Variants in UCHL1 observed in about 807,000 individuals in gnomAD.
UCHL1 encodes ubiquitin carboxyl-terminal hydrolase isozyme L1.
UCHL1 carries 5 observed loss-of-function variants against 33.3 expected under a neutral mutation model. That is an observed-to-expected ratio of 0.15 (90% CI 0.08 to 0.32). The LOEUF (loss-of-function observed/expected upper bound fraction) is 0.32, where lower values mean the gene tolerates loss of function less well. UCHL1 is among the 10% of genes least tolerant of loss of function. UCHL1 has a pLI of 1.00. For missense variants in UCHL1, 236 were observed against 280.0 expected (o/e 0.84, Z 1.12); for synonymous variants, 132 against 108.8 (o/e 1.21, Z -1.33).
At chr4:41,260,916 G>A (rs1334503732) in intron 4 of UCHL1, 119 bp downstream of exon 4, 6 of 1,415,414 alleles carry the variant, frequency 4.2e-6, no homozygotes, top group Non-Finnish European at 6.0e-6. Flanking sequence ...TGTAATGATG[G>A]TGTCAGACAC....
chr4:41,262,833 T>C (rs182029460), intron 6 of UCHL1, among the ~76,000 whole-genome samples: 49 of 152,256 alleles, frequency 3.2e-4, no homozygotes, highest in African/African-American at 5.8e-4. Flanking sequence ...CTTGAACTCT[T>C]GTGAGCTCAA....
chr4:41,257,587 C>T, intron 2 of UCHL1, 22 bp from the exon 3 acceptor site: 3 of 1,498,520 alleles, frequency 2.0e-6, no homozygotes, highest in South Asian at 1.3e-5. Flanking sequence ...GTGCGCCTGG[C>T]CGCCTTGTCT....
chr4:41,263,559 T>G (rs924509607), intron 7 of UCHL1, among the ~76,000 whole-genome samples: 3 of 152,212 alleles, frequency 2.0e-5, no homozygotes, highest in Non-Finnish European at 4.4e-5. Flanking sequence ...ACCTTACTTG[T>G]CTAAAAAGAA....
intron 3 of UCHL1, 120 bp from the exon 4 acceptor site, chr4:41,260,527 A>C: frequency 7.9e-7 from 1 of 1,264,356 alleles, no homozygotes. Context: ...CAACATCTAG[A>C]ACCAGGGGTT....
intron 4 of UCHL1, 54 bp from the exon 5 acceptor site, chr4:41,261,661 A>T: frequency 6.4e-7 from 1 of 1,573,148 alleles, no homozygotes; most frequent in South Asian, 1.1e-5. Context: ...AACAATAAAT[A>T]TGTACCCACT....
At position 41,257,389 on chromosome 4, in the gene UCHL1, G is replaced by T. The variant is rs1241107870; in HGVS notation, c.46-220G>T. On this transcript the variant is annotated intron_variant, in intron 2 of 8. Coordinates refer to ENST00000284440, the MANE Select transcript of UCHL1 (RefSeq NM_004181.5). ...AGCTCCCGAGGGCGTGGCGCGGGCA[G>T]CACAGACTCGGCTGCACGGGCTTCG... is the stretch of plus-strand genomic sequence containing the variant. 6 of 878,014 alleles carry T rather than the reference G, an allele frequency of 6.8e-6. No individual in the cohort carries two copies. The Admixed American group carries it at 1.4e-4, about 20-fold the overall frequency. The allele number at this position is 878,014 out of a possible 1,614,324, so 54.4% of individuals were successfully genotyped here.
At chr4:41,267,773 A>ACCATTTGGTGGAAGTGATAAGTCAAAT (rs1781177503) in intron 8 of UCHL1, among the ~76,000 whole-genome samples, 2 of 152,092 alleles carry the variant, frequency 1.3e-5, no homozygotes, top group South Asian at 4.2e-4. Flanking sequence ...GAAGCACAAA[A>ACCATTTGGTGGAAGTGATAAGTCAAAT]CCATTTGGTG....
At chr4:41,260,831 C>T in intron 4 of UCHL1, 34 bp downstream of exon 4, 2 of 1,614,016 alleles carry the variant, frequency 1.2e-6, no homozygotes, top group Non-Finnish European at 1.7e-6. Context: ...CCATCCTAAG[C>T]TTGAACTTGA....
intron 7 of UCHL1, 54 bp from the exon 8 acceptor site, chr4:41,264,040 AGGTAAGCAC>A (rs1463156332): frequency 1.2e-6 from 2 of 1,604,874 alleles, no homozygotes; most frequent in Non-Finnish European, 1.7e-6. Context: ...CATCTAGGCT[AGGTAAGCAC>A]GGTAGCCAGA....
Position 41,257,131 on chromosome 4 carries a change from G to A in UCHL1, c.45+5G>A, listed in dbSNP as rs1198286670. ...GCCTTTCAGATGCTGAACAAAGTGA[G>A]TGGCGTCTCGCGCCGTCTCTGGCCC... On this transcript the variant is annotated splice_donor_5th_base_variant and intron_variant, in intron 2 of 8. Transcript: ENST00000284440. 1 of 1,612,676 alleles carries A rather than the reference G, an allele frequency of 6.2e-7. No individual in the cohort carries two copies. Among genetic ancestry groups the A allele is most frequent in the African/African-American group, 1.3e-5 (1 of 74,910 alleles).
At chr4:41,265,281 C>T (rs1303055684) in intron 8 of UCHL1, among the ~76,000 whole-genome samples, 1 of 152,204 alleles carries the variant, frequency 6.6e-6, no homozygotes, top group Non-Finnish European at 1.5e-5. Context: ...AACTGTGATT[C>T]AAACCTAGAT....
At chr4:41,262,456 C>A (rs745377401) in intron 6 of UCHL1, among the ~76,000 whole-genome samples, 1 of 152,118 alleles carries the variant, frequency 6.6e-6, no homozygotes, top group Non-Finnish European at 1.5e-5. Flanking sequence ...ACAAATGAGT[C>A]TTATAGAGTG....
intron 6 of UCHL1, 88 bp downstream of exon 6, chr4:41,262,011 A>G: frequency 1.3e-6 from 2 of 1,550,964 alleles, no homozygotes; most frequent in South Asian, 1.2e-5. Flanking sequence ...ACTGGAACAC[A>G]GCAAATGTTA....
chr4:41,257,055 A>G (rs1561079048), intron 1 of UCHL1, 46 bp downstream of exon 1: 27 of 1,614,084 alleles, frequency 1.7e-5, no homozygotes, highest in Non-Finnish European at 2.2e-5. Context: ...AGGCCGAGGG[A>G]GGGGGAGCCG....
intron 2 of UCHL1, 53 bp downstream of exon 2, chr4:41,257,179 G>T: frequency 1.9e-6 from 3 of 1,610,808 alleles, no homozygotes; most frequent in Non-Finnish European, 2.5e-6. Flanking sequence ...GCGCCGAGGC[G>T]GGGGCGCCCA....
chr4:41,263,352 T>G, intron 7 of UCHL1, 61 bp downstream of exon 7: 1 of 1,464,156 alleles, frequency 6.8e-7, no homozygotes, highest in Non-Finnish European at 9.6e-7. Flanking sequence ...AGACTGAATT[T>G]CTCTTGATAT....
intron 7 of UCHL1, among the ~76,000 whole-genome samples, chr4:41,263,892 G>A (rs1295018203): frequency 6.6e-6 from 1 of 152,224 alleles, no homozygotes; most frequent in Non-Finnish European, 1.5e-5. Flanking sequence ...TTGAGCTTGT[G>A]CGATCTTGTC....
In UCHL1 at chr4:41,257,643, G is replaced by T; in HGVS notation, c.80G>T (p.Arg27Leu). The T allele has an allele frequency of 6.4e-7, 1 of 1,563,132 alleles. No individual in the cohort carries two copies. Residue 27 changes from arginine (R) to leucine (L), a missense_variant, in exon 3 of 9, where the codon CGC (arginine) becomes CTC (leucine). Transcript: ENST00000284440. The part of the protein sequence containing the change: ...LSRLGVAGQW[R>L]FVDVLGLEEE... ...CGGCTGGGGGTCGCCGGCCAGTGGC[G>T]CTTCGTGGACGTGCTGGGGCTGGAA...
rs1034182930 is a variant in UCHL1 at position 41,268,377 on chromosome 4, G to A, written c.*304G>A. 2 of 432,364 alleles carry A rather than the reference G, an allele frequency of 4.6e-6. No homozygotes were observed. The highest frequency in any genetic ancestry group is 2.0e-5 in the African/African-American group (1 of 50,506). 26.8% of individuals were successfully genotyped at this position (432,364 alleles called of 1,614,324 possible). The stretch of plus-strand genomic sequence containing the variant: ...CTGTCTGTAAGTTAAGACCTTGGAT[G>A]TGGTTTAATTGTTTGTCCTCAAAAG... On this transcript the variant is annotated 3_prime_UTR_variant, in exon 9 of 9. Coordinates refer to ENST00000284440, the MANE Select transcript of UCHL1 (RefSeq NM_004181.5).
Sources: allele counts gnomAD v4.1 joint callset (sites outside exome capture counted in the v4.1 genomes callset), GRCh38; gene constraint gnomAD v4.1.1; transcripts MANE v1.5; gene names NCBI Gene and HGNC (gene_info 2026-07-23, HGNC 2026-07-21).